SUGCT: variants seen among roughly 807,000 people sequenced by gnomAD.
SUGCT encodes the protein succinyl-CoA:glutarate CoA-transferase.
Under a neutral mutation model 55.0 loss-of-function variants are expected in SUGCT, and 41 were observed. The ratio of observed to expected loss-of-function variants is 0.74; its 90% CI spans 0.58 to 0.97. The LOEUF (loss-of-function observed/expected upper bound fraction) is 0.97, where lower values mean the gene tolerates loss of function less well. Among genes scored for constraint, SUGCT ranks in the 50% least tolerant of loss-of-function variants. The pLI, the probability that SUGCT is intolerant of heterozygous loss-of-function variation, is 0.00. For missense variants in SUGCT, 568 were observed against 547.8 expected, an observed-to-expected ratio of 1.04 and a Z score of -0.37; for synonymous variants, 187 against 200.4, an observed-to-expected ratio of 0.93 and a Z score of 0.56.
the SUGCT span, among the ~76,000 whole-genome samples, chr7:41,006,330 A>G: frequency 1.3e-5 from 2 of 152,192 alleles, no homozygotes; most frequent in Non-Finnish European, 2.9e-5. Context: ...CTGGACTCCA[A>G]ACAAAGGCAC....
chr7:40,989,106 T>G, the SUGCT span, among the ~76,000 whole-genome samples: 6 of 152,126 alleles, frequency 3.9e-5, no homozygotes, highest in East Asian at 1.2e-3. Context: ...CATACTTTGT[T>G]GCTAAAAAAA....
chr7:40,444,827 T>G (rs1788721855), intron 9 of SUGCT, among the ~76,000 whole-genome samples: 1 of 152,188 alleles, frequency 6.6e-6, no homozygotes, highest in African/African-American at 2.4e-5. Flanking sequence ...TGCTTCCAGT[T>G]TTTACCCATT....
intron 12 of SUGCT, among the ~76,000 whole-genome samples, chr7:40,684,369 T>A (rs555489163): frequency 2.8e-4 from 43 of 152,300 alleles, no homozygotes; most frequent in African/African-American, 1.0e-3. Context: ...TTACTTAGAT[T>A]CCATTTCTGA....
the SUGCT span, among the ~76,000 whole-genome samples, chr7:40,878,740 AC>A: frequency 2.7e-5 from 4 of 146,736 alleles, no homozygotes; most frequent in East Asian, 8.0e-4. Context: ...CACCAGAAAA[AC>A]CCCTGCCACC....
At chr7:40,806,293 C>G (rs1791086350) in intron 13 of SUGCT, among the ~76,000 whole-genome samples, 3 of 152,084 alleles carry the variant, frequency 2.0e-5, no homozygotes, top group Non-Finnish European at 4.4e-5. Context: ...GCAAGACTTA[C>G]AGATGTTCAA....
chr7:40,899,299 T>A, the SUGCT span, among the ~76,000 whole-genome samples: 12 of 152,106 alleles, frequency 7.9e-5, no homozygotes, highest in African/African-American at 2.9e-4. Flanking sequence ...TGAGCAACCT[T>A]CCTTAAGGCA....
chr7:40,538,684 C>T (rs763437996), intron 12 of SUGCT: 1 of 152,172 alleles, frequency 6.6e-6, no homozygotes, highest in Non-Finnish European at 1.5e-5. Context: ...GGCTGAGCGT[C>T]TGGGGAAATT....
the SUGCT span, among the ~76,000 whole-genome samples, chr7:40,920,314 T>C: frequency 6.6e-6 from 1 of 152,244 alleles, no homozygotes; most frequent in South Asian, 2.1e-4. Context: ...AATTGGCTTC[T>C]TCTGTGAGGA....
rs533992175 is a variant in SUGCT at position 40,272,745 on chromosome 7, C to T, written c.577-1768C>T. Among the ~76,000 whole-genome samples the T allele has an allele frequency of 1.9e-4, 28 of 151,326 alleles. No individual in the cohort carries two copies. In the East Asian group the frequency reaches 2.2e-3, roughly 12 times the overall value. On this transcript the variant is annotated intron_variant, in intron 7 of 13. Coordinates refer to ENST00000335693, the MANE Select transcript of SUGCT (RefSeq NM_001193313.2). ...CACGATCTCAGCTCACTGCAGCCTC[C>T]GCCTCCCGGGTTCAAGCAGTTCTCC...
At chr7:40,198,636 G>A (rs574664083) in intron 6 of SUGCT, among the ~76,000 whole-genome samples, 7 of 142,790 alleles carry the variant, frequency 4.9e-5, no homozygotes, top group African/African-American at 2.1e-4. Context: ...CGAGGCGGGC[G>A]GATCACCTGA....
chr7:40,219,654 C>G (rs771984611), intron 6 of SUGCT, among the ~76,000 whole-genome samples: 1 of 151,948 alleles, frequency 6.6e-6, no homozygotes, highest in Non-Finnish European at 1.5e-5. Context: ...GTATGCCAAT[C>G]ACGGGGGTAG....
chr7:40,299,355 T>G (rs1794382000), intron 8 of SUGCT, among the ~76,000 whole-genome samples: 1 of 152,192 alleles, frequency 6.6e-6, no homozygotes, highest in South Asian at 2.1e-4. Flanking sequence ...TGCAGTGGTG[T>G]GCTGGTAAAT....
In SUGCT at chr7:40,417,002, T is replaced by G. The variant is rs560381234; in HGVS notation, c.817-32285T>G. Among the ~76,000 whole-genome samples, 86 of 152,146 alleles carry G rather than the reference T, an allele frequency of 5.7e-4. 1 individual carries two copies. Among genetic ancestry groups the G allele is most frequent in the Middle Eastern group, 6.8e-3 (2 of 294 alleles). On this transcript the variant is annotated intron_variant, in intron 9 of 13. Coordinates refer to ENST00000335693, the MANE Select transcript of SUGCT (RefSeq NM_001193313.2). ...GGTAATTTGTATTTTTCTAGAGAAT[T>G]ATCCACTAATGCTAGGCTTTCGAAT... is the stretch of plus-strand genomic sequence containing the variant.
intron 6 of SUGCT, among the ~76,000 whole-genome samples, chr7:40,213,305 T>C (rs545492016): frequency 6.6e-6 from 1 of 152,268 alleles, no homozygotes; most frequent in South Asian, 2.1e-4. Context: ...TCTTTCCTTG[T>C]TTTTTTGACC....
chr7:40,299,649 A>AG (rs1280036190), intron 8 of SUGCT, among the ~76,000 whole-genome samples: 2 of 36,352 alleles, frequency 5.5e-5, no homozygotes, highest in African/African-American at 1.0e-4. Flanking sequence ...TATGTAGGCC[A>AG]AAAAAAAAAA....
At chr7:40,916,481 G>A in the SUGCT span, among the ~76,000 whole-genome samples, 2 of 152,150 alleles carry the variant, frequency 1.3e-5, no homozygotes, top group Admixed American at 6.5e-5. Flanking sequence ...CATCTTGTGA[G>A]GATGAAGGAG....
At chr7:40,439,061 G>GGTATATATATATAT (rs5883731) in intron 9 of SUGCT, among the ~76,000 whole-genome samples, 5 of 51,898 alleles carry the variant, frequency 9.6e-5, no homozygotes, top group African/African-American at 5.9e-4. Context: ...GTATATATAT[G>GGTATATATATATAT]GTGTATATAT....
At chr7:40,590,880 A>G (rs1470015888) in intron 12 of SUGCT, among the ~76,000 whole-genome samples, 14 of 152,206 alleles carry the variant, frequency 9.2e-5, no homozygotes, top group Admixed American at 8.5e-4. Flanking sequence ...TGAATATTTT[A>G]AGACCACTGT....
intron 12 of SUGCT, among the ~76,000 whole-genome samples, chr7:40,511,929 C>G (rs1349652889): frequency 6.6e-6 from 1 of 152,002 alleles, no homozygotes; most frequent in Non-Finnish European, 1.5e-5. Flanking sequence ...GCCTGAGGAC[C>G]ACTAAGACAG....
Sources: allele counts gnomAD v4.1 joint callset (sites outside exome capture counted in the v4.1 genomes callset), GRCh38; gene constraint gnomAD v4.1.1; transcripts MANE v1.5; gene names NCBI Gene and HGNC (gene_info 2026-07-23, HGNC 2026-07-21).